Variants in MBD5 observed in about 807,000 individuals in gnomAD.
The protein encoded by MBD5 is methyl-CpG binding domain protein 5.
A neutral mutation model predicts 117.3 loss-of-function variants in MBD5; 13 were observed. The ratio of observed to expected loss-of-function variants is 0.11; its 90% CI spans 0.07 to 0.18. The LOEUF is 0.18. Among genes scored for constraint, MBD5 ranks in the 10% least tolerant of loss-of-function variants. MBD5 has a pLI of 1.00. For missense variants in MBD5, 1,879 were observed against 2,093.8 expected, an observed-to-expected ratio of 0.90 and a Z score of 2.00; for synonymous variants, 727 against 766.4, an observed-to-expected ratio of 0.95 and a Z score of 0.85.
At chr2:148,384,580 A>G (rs1704279575) in intron 4 of MBD5, among the ~76,000 whole-genome samples, 1 of 152,204 alleles carries the variant, frequency 6.6e-6, no homozygotes, top group African/African-American at 2.4e-5. Context: ...CAAGCTACCA[A>G]TGACTTTCTT....
At chr2:148,050,115 A>G (rs568099277) in intron 1 of MBD5, among the ~76,000 whole-genome samples, 4 of 152,284 alleles carry the variant, frequency 2.6e-5, no homozygotes, top group Admixed American at 2.6e-4. Flanking sequence ...ACATCCAAGG[A>G]ACTACCAAAC....
intron 1 of MBD5, among the ~76,000 whole-genome samples, chr2:148,059,277 G>A (rs1573965962): frequency 6.6e-6 from 1 of 151,940 alleles, no homozygotes; most frequent in Non-Finnish European, 1.5e-5. Flanking sequence ...ATGTGTGAAA[G>A]CCGGTTCTGA....
Position 148,024,075 on chromosome 2 carries a change from C to T in MBD5, c.-925+2391C>T, listed in dbSNP as rs151212679. ...GTCTCCTGATGCTCACTATGCTGCA[C>T]TACCTCATTTCCTTTGTCAGAAATG... On this transcript the variant is annotated intron_variant, in intron 1 of 13. Transcript: ENST00000642680. 2.4e-3 allele frequency among the ~76,000 whole-genome samples: 360 copies of T among 152,230 alleles called. 2 individuals are homozygous for T. The highest frequency in any genetic ancestry group is 8.0e-3 in the African/African-American group (333 of 41,540).
chr2:148,048,130 T>C (rs1316023295), intron 1 of MBD5, among the ~76,000 whole-genome samples: 1 of 152,186 alleles, frequency 6.6e-6, no homozygotes, highest in African/African-American at 2.4e-5. Context: ...ACATTCTGTC[T>C]CTGTAAAGCA....
At chr2:148,455,757 A>AG (rs963073688) in intron 4 of MBD5, among the ~76,000 whole-genome samples, 4 of 150,964 alleles carry the variant, frequency 2.6e-5, no homozygotes, top group Non-Finnish European at 5.9e-5. Context: ...AAGAGCAGGC[A>AG]GAAAAAAAAA....
chr2:148,237,269 G>A (rs1029885896), intron 3 of MBD5, among the ~76,000 whole-genome samples: 5 of 152,088 alleles, frequency 3.3e-5, no homozygotes, highest in African/African-American at 1.2e-4. Context: ...TTCACAATTT[G>A]GCTAACTGTT....
chr2:148,310,696 ATTTG>A (rs1702007780), intron 3 of MBD5, among the ~76,000 whole-genome samples: 2 of 151,778 alleles, frequency 1.3e-5, no homozygotes, highest in Admixed American at 6.6e-5. Context: ...TAGCTTTTGA[ATTTG>A]TTTGCTCTTA....
chr2:148,174,881 G>C (rs1158960542), intron 1 of MBD5, among the ~76,000 whole-genome samples: 3 of 152,102 alleles, frequency 2.0e-5, no homozygotes, highest in Admixed American at 6.5e-5. Context: ...GTGGAAAACT[G>C]TGTGAAGGTT....
intron 4 of MBD5, among the ~76,000 whole-genome samples, chr2:148,407,163 A>T (rs1705104631): frequency 6.6e-6 from 1 of 152,126 alleles, no homozygotes; most frequent in African/African-American, 2.4e-5. Context: ...TGAACCAATA[A>T]CTCTTATGAA....
At chr2:148,356,574 G>A (rs1421056093) in intron 4 of MBD5, among the ~76,000 whole-genome samples, 1 of 151,980 alleles carries the variant, frequency 6.6e-6, no homozygotes, top group Non-Finnish European at 1.5e-5. Context: ...CACTAAATAA[G>A]TATTAATTTA....
At chr2:148,266,597 C>T (rs954795594) in intron 3 of MBD5, among the ~76,000 whole-genome samples, 1 of 151,828 alleles carries the variant, frequency 6.6e-6, no homozygotes, top group East Asian at 1.9e-4. Context: ...TTATTATTTG[C>T]GCATGTTACT....
At chr2:148,292,376 A>G (rs1274965076) in intron 3 of MBD5, among the ~76,000 whole-genome samples, 3 of 152,234 alleles carry the variant, frequency 2.0e-5, no homozygotes, top group Non-Finnish European at 4.4e-5. Context: ...AGGAAAAATA[A>G]TCTAACAATA....
At chr2:148,357,446 C>G (rs898561399) in intron 4 of MBD5, among the ~76,000 whole-genome samples, 19 of 136,668 alleles carry the variant, frequency 1.4e-4, no homozygotes, top group African/African-American at 4.8e-4. Flanking sequence ...TTTCTTCTGG[C>G]TTTTAGGATT....
intron 3 of MBD5, among the ~76,000 whole-genome samples, chr2:148,279,492 C>T (rs963560426): frequency 1.3e-5 from 2 of 152,176 alleles, no homozygotes; most frequent in African/African-American, 4.8e-5. Context: ...AGGTCAGGCA[C>T]AGTGCCTACT....
chr2:148,171,491 T>C (rs927012050), intron 1 of MBD5, among the ~76,000 whole-genome samples: 5 of 152,222 alleles, frequency 3.3e-5, no homozygotes, highest in African/African-American at 7.2e-5. Context: ...ATAAAGACTA[T>C]GTATGACATT....
At chr2:148,349,762 C>G (rs1347726407) in intron 4 of MBD5, among the ~76,000 whole-genome samples, 1 of 151,824 alleles carries the variant, frequency 6.6e-6, no homozygotes, top group Non-Finnish European at 1.5e-5. Context: ...TACAAATTTG[C>G]CATGAAAATC....
intron 3 of MBD5, among the ~76,000 whole-genome samples, chr2:148,281,345 T>G (rs1426692485): frequency 6.6e-6 from 1 of 152,158 alleles, no homozygotes; most frequent in Admixed American, 6.5e-5. Context: ...TACTATATCC[T>G]TTTCTAATAT....
intron 1 of MBD5, among the ~76,000 whole-genome samples, chr2:148,121,657 G>C (rs1696770776): frequency 6.6e-6 from 1 of 152,062 alleles, no homozygotes; most frequent in Non-Finnish European, 1.5e-5. Context: ...TGAAAAGCTT[G>C]AGAGACATCG....
chr2:148,042,431 A>G (rs1352521064), intron 1 of MBD5, among the ~76,000 whole-genome samples: 1 of 152,160 alleles, frequency 6.6e-6, no homozygotes, highest in African/African-American at 2.4e-5. Flanking sequence ...AGTAAGCTAT[A>G]GGGAACTGAA....
Sources: gnomAD v4.1 joint callset for allele counts (sites outside exome capture counted in the v4.1 genomes callset) on GRCh38, gnomAD v4.1.1 for gene constraint, MANE v1.5 for transcripts, NCBI Gene and HGNC (gene_info 2026-07-23, HGNC 2026-07-21) for gene names.